The following ARHGAP28 variants were observed in gnomAD, a reference collection of about 807,000 sequenced individuals.
ARHGAP28 encodes Rho GTPase activating protein 28.
ARHGAP28 carries 56 observed loss-of-function variants against 90.7 expected under a neutral mutation model. The ratio of observed to expected loss-of-function variants is 0.62; its 90% CI spans 0.50 to 0.77. The LOEUF is 0.77. Among genes scored for constraint, ARHGAP28 ranks in the 30% least tolerant of loss-of-function variants. The pLI is 0.00. For missense variants in ARHGAP28, 869 were observed against 900.9 expected (o/e 0.96, Z 0.45); for synonymous variants, 308 against 323.3 (o/e 0.95, Z 0.51).
intron 5 of ARHGAP28, among the ~76,000 whole-genome samples, chr18:6,862,244 G>A (rs1040965825): frequency 1.3e-5 from 2 of 152,074 alleles, no homozygotes; most frequent in Admixed American, 6.5e-5. Flanking sequence ...CTAGAAGGAG[G>A]GATATCCGGT....
chr18:6,843,299 G>A (rs1049646852), intron 3 of ARHGAP28, among the ~76,000 whole-genome samples: 3 of 151,996 alleles, frequency 2.0e-5, no homozygotes, highest in Non-Finnish European at 2.9e-5. Flanking sequence ...AACTACTGCC[G>A]CTCTTCAGTG....
intron 1 of ARHGAP28, among the ~76,000 whole-genome samples, chr18:6,784,873 A>G (rs558558936): frequency 1.9e-4 from 29 of 152,222 alleles, no homozygotes; most frequent in Admixed American, 1.3e-4. Context: ...CTTTGTTCGA[A>G]TGTTACATTT....
At chr18:6,845,981 C>T (rs2056862982) in intron 3 of ARHGAP28, among the ~76,000 whole-genome samples, 1 of 152,200 alleles carries the variant, frequency 6.6e-6, no homozygotes, top group South Asian at 2.1e-4. Context: ...ATGAATCTGT[C>T]TCAGTAGAAG....
At position 6,873,510 on chromosome 18, in the gene ARHGAP28, T is replaced by G. The variant is rs753489623; in HGVS notation, c.1056T>G (p.Thr352=). ...KIRHLSLIEL[T]AFFDAFGIQL... Reference sequence around the variant, plus strand: ...GCCATCTCTCTCTGATTGAATTGACTGCCTTTTTTGATGCCTTTGGAATTC... The same window carrying G: ...GCCATCTCTCTCTGATTGAATTGACGGCCTTTTTTGATGCCTTTGGAATTC... The change falls in exon 8 of 18, where the codon ACT becomes ACG. Residue 352 remains threonine (T), a synonymous_variant. Coordinates refer to ENST00000383472, the MANE Select transcript of ARHGAP28 (RefSeq NM_001366230.1). 1.2e-6 allele frequency: 2 copies of G among 1,614,218 alleles called. No individual in the cohort carries two copies. The highest frequency in any genetic ancestry group is 1.7e-6 in the Non-Finnish European group (2 of 1,180,030).
At chr18:6,873,883 C>T in intron 9 of ARHGAP28, 108 bp downstream of exon 9, 3 of 926,732 alleles carry the variant, frequency 3.2e-6, no homozygotes, top group East Asian at 5.3e-5. Flanking sequence ...ACACTATCGC[C>T]CTATTAGGAC....
chr18:6,790,592 G>A (rs529211153), intron 1 of ARHGAP28: 1 of 152,274 alleles, frequency 6.6e-6, no homozygotes, highest in South Asian at 2.1e-4. Context: ...CGAACAGAGT[G>A]GACAAGTGAG....
chr18:6,844,998 A>G (rs1366273515), intron 3 of ARHGAP28, among the ~76,000 whole-genome samples: 2 of 152,248 alleles, frequency 1.3e-5, no homozygotes, highest in African/African-American at 2.4e-5. Flanking sequence ...GGATGAGCTT[A>G]TAATGGAAAA....
At chr18:6,883,069 T>C (rs987907058) in intron 11 of ARHGAP28, among the ~76,000 whole-genome samples, 13 of 152,080 alleles carry the variant, frequency 8.5e-5, no homozygotes, top group African/African-American at 2.9e-4. Flanking sequence ...GCATGCTAAG[T>C]AAATGTTGAT....
intron 1 of ARHGAP28, among the ~76,000 whole-genome samples, chr18:6,766,141 C>T (rs1421440607): frequency 6.6e-6 from 1 of 152,072 alleles, no homozygotes; most frequent in Non-Finnish European, 1.5e-5. Context: ...TGTTTGTTTT[C>T]TTTATTTTTC....
chr18:6,794,002 G>T (rs993128126), intron 1 of ARHGAP28, among the ~76,000 whole-genome samples: 5 of 152,042 alleles, frequency 3.3e-5, no homozygotes, highest in African/African-American at 1.2e-4. Flanking sequence ...AAAAATATTA[G>T]ATAACAAACA....
chr18:6,898,200 A>C, intron 16 of ARHGAP28: 1 of 314,050 alleles, frequency 3.2e-6, no homozygotes, highest in Non-Finnish European at 5.7e-6. Context: ...GGTGCACCAA[A>C]ATCTCAGAAA....
intron 16 of ARHGAP28, among the ~76,000 whole-genome samples, 198 bp from the exon 17 acceptor site, chr18:6,908,762 C>G (rs529358084): frequency 6.6e-6 from 1 of 152,296 alleles, no homozygotes; most frequent in Non-Finnish European, 1.5e-5. Context: ...GCAGTCCCGT[C>G]CTCCCTGGGC....
chr18:6,741,605 T>C (rs1342304408), intron 1 of ARHGAP28, among the ~76,000 whole-genome samples: 1 of 152,122 alleles, frequency 6.6e-6, no homozygotes, highest in Non-Finnish European at 1.5e-5. Context: ...ATCCAGATGA[T>C]AAAAAAAGTT....
At chr18:6,854,965 T>C (rs1454702179) in intron 4 of ARHGAP28, among the ~76,000 whole-genome samples, 1 of 152,112 alleles carries the variant, frequency 6.6e-6, no homozygotes, top group Non-Finnish European at 1.5e-5. Flanking sequence ...AGGGTGGTGC[T>C]TACATTCCAG....
intron 10 of ARHGAP28, 84 bp downstream of exon 10, chr18:6,876,292 GT>G: frequency 9.6e-7 from 1 of 1,045,192 alleles, no homozygotes; most frequent in Non-Finnish European, 1.5e-6. Flanking sequence ...CCAGATATTT[GT>G]TGTTGTTTAT....
At chr18:6,873,842 C>G (rs1368216460) in intron 9 of ARHGAP28, 67 bp downstream of exon 9, 3 of 1,303,000 alleles carry the variant, frequency 2.3e-6, no homozygotes, top group African/African-American at 1.5e-5. Flanking sequence ...ACTTTGTAAA[C>G]CCACAAATGA....
At position 6,910,872 on chromosome 18, in the gene ARHGAP28, T is replaced by C. The variant is rs1414365544; in HGVS notation, c.2096-1188T>C. On this transcript the variant is annotated intron_variant, in intron 17 of 17. Transcript: ENST00000383472. ...GCTTTGTTTTTTTTTTGAGACGGAG[T>C]CTCGCTCTGTCGCCCAGGCTGGAGT... is the stretch of plus-strand genomic sequence containing the variant. Among the ~76,000 whole-genome samples the C allele has an allele frequency of 5.7e-5, 8 of 141,528 alleles. 1 individual carries two copies. The highest frequency in any genetic ancestry group is 2.2e-4 in the Admixed American group (3 of 13,914). The allele number at this position is 141,528 out of a possible 152,430, so 92.8% of individuals were successfully genotyped here.
intron 1 of ARHGAP28, among the ~76,000 whole-genome samples, chr18:6,768,711 A>T (rs2056219509): frequency 6.6e-6 from 1 of 152,180 alleles, no homozygotes; most frequent in African/African-American, 2.4e-5. Flanking sequence ...TCTTCCTGTC[A>T]GATACTTTTT....
intron 5 of ARHGAP28, among the ~76,000 whole-genome samples, chr18:6,860,582 C>A (rs1293668423): frequency 6.6e-6 from 1 of 152,130 alleles, no homozygotes; most frequent in Non-Finnish European, 1.5e-5. Flanking sequence ...CAGCAGTTAG[C>A]ACAACAGCCA....
Sources: gnomAD v4.1 joint callset for allele counts (sites outside exome capture counted in the v4.1 genomes callset) on GRCh38, gnomAD v4.1.1 for gene constraint, MANE v1.5 for transcripts, NCBI Gene and HGNC (gene_info 2026-07-23, HGNC 2026-07-21) for gene names.